The following TMEM114 variants were observed in gnomAD, a reference collection of about 807,000 sequenced individuals.
The protein encoded by TMEM114 is claudin-26.
A neutral mutation model predicts 6.2 loss-of-function variants in TMEM114; 6 were observed. The ratio of observed to expected loss-of-function variants is 0.97; its 90% CI spans 0.53 to 1.91. The LOEUF is 1.91. Ranked by LOEUF, TMEM114 falls within the 40% of genes most tolerant of loss-of-function variation. The probability of loss-of-function intolerance (pLI) is 0.01; values close to 1 mark genes in which losing one functional copy is unlikely to be tolerated. For missense variants in TMEM114, 218 were observed against 158.3 expected, an observed-to-expected ratio of 1.38 and a Z score of -2.02; for synonymous variants, 104 against 73.0, an observed-to-expected ratio of 1.42 and a Z score of -2.16.
intron 2 of TMEM114, among the ~76,000 whole-genome samples, chr16:8,564,345 G>A (rs1263998815): frequency 6.7e-6 from 1 of 149,446 alleles, no homozygotes; most frequent in Non-Finnish European, 1.5e-5. Flanking sequence ...GAGTCAGTGA[G>A]AGAATGAGTC....
chr16:8,540,093 G>A (rs1567193686), intron 2 of TMEM114, among the ~76,000 whole-genome samples: 1 of 152,152 alleles, frequency 6.6e-6, no homozygotes, highest in East Asian at 1.9e-4. Context: ...CAAAGTGCTG[G>A]GATTACAGGC....
intron 2 of TMEM114, among the ~76,000 whole-genome samples, chr16:8,539,880 C>T (rs1193532842): frequency 2.0e-5 from 3 of 152,132 alleles, no homozygotes; most frequent in Non-Finnish European, 2.9e-5. Context: ...TGCAGTGAAA[C>T]AATCTCTCCT....
At chr16:8,531,151 C>T in the TMEM114 span, among the ~76,000 whole-genome samples, 14 of 152,210 alleles carry the variant, frequency 9.2e-5, no homozygotes, top group Non-Finnish European at 1.9e-4. Context: ...TAGACAACAA[C>T]ACTACTCTTT....
At chr16:8,573,799 A>AC (rs1234686138) in intron 2 of TMEM114, among the ~76,000 whole-genome samples, 1 of 152,036 alleles carries the variant, frequency 6.6e-6, no homozygotes, top group Non-Finnish European at 1.5e-5. Flanking sequence ...CCCCCTCAGC[A>AC]CCCCATAGGG....
At chr16:8,546,417 C>A (rs1900666742) in intron 2 of TMEM114, among the ~76,000 whole-genome samples, 1 of 152,164 alleles carries the variant, frequency 6.6e-6, no homozygotes, top group African/African-American at 2.4e-5. Flanking sequence ...CCGACAGTAG[C>A]CAGACTCTAT....
chr16:8,585,277 C>G (rs145984756), intron 2 of TMEM114, among the ~76,000 whole-genome samples: 2,031 of 152,302 alleles, frequency 0.013, 51 homozygotes, highest in African/African-American at 0.047. Context: ...TTCAAGATGA[C>G]ATTTGGGTGG....
At chr16:8,545,260 A>G (rs139416941) in intron 2 of TMEM114, among the ~76,000 whole-genome samples, 117 of 152,286 alleles carry the variant, frequency 7.7e-4, no homozygotes, top group South Asian at 7.1e-3. Context: ...CAACATAGCA[A>G]GAGCCCTTAT....
At chr16:8,531,202 T>A in the TMEM114 span, among the ~76,000 whole-genome samples, 4 of 152,364 alleles carry the variant, frequency 2.6e-5, no homozygotes, top group African/African-American at 9.6e-5. Flanking sequence ...GCTGTTTGAA[T>A]CACAAATTGC....
At chr16:8,536,338 C>G (rs371554804), downstream of TMEM114, among the ~76,000 whole-genome samples, 1 of 151,988 alleles carries the variant, frequency 6.6e-6, no homozygotes, top group Non-Finnish European at 1.5e-5. Context: ...TTTGAAAGCT[C>G]TTCATATAAT....
intron 2 of TMEM114, among the ~76,000 whole-genome samples, chr16:8,581,741 A>G (rs1228277697): frequency 1.3e-5 from 2 of 152,278 alleles, no homozygotes; most frequent in Non-Finnish European, 2.9e-5. Flanking sequence ...GGTGTGCGCC[A>G]CTGCGCCCAG....
chr16:8,575,610 C>A (rs1010356877), intron 2 of TMEM114, among the ~76,000 whole-genome samples: 1 of 152,210 alleles, frequency 6.6e-6, no homozygotes, highest in East Asian at 1.9e-4. Flanking sequence ...CCTATCACTT[C>A]CAGCTGAGGG....
At chr16:8,583,956 G>A (rs141745371) in intron 2 of TMEM114, among the ~76,000 whole-genome samples, 11 of 152,222 alleles carry the variant, frequency 7.2e-5, no homozygotes, top group South Asian at 2.1e-4. Context: ...GACTCAGCCC[G>A]GCCAATCAGC....
intron 2 of TMEM114, among the ~76,000 whole-genome samples, chr16:8,561,445 C>T (rs547198204): frequency 8.5e-5 from 13 of 152,322 alleles, no homozygotes; most frequent in African/African-American, 2.2e-4. Context: ...CTGTCATACC[C>T]GTGCACTCAT....
At chr16:8,551,434 A>C (rs548458883) in intron 2 of TMEM114, among the ~76,000 whole-genome samples, 1 of 152,352 alleles carries the variant, frequency 6.6e-6, no homozygotes, top group South Asian at 2.1e-4. Flanking sequence ...GTTAAAAATA[A>C]TATTTAACAT....
chr16:8,555,694 C>T (rs532053117), intron 2 of TMEM114, among the ~76,000 whole-genome samples: 44 of 152,286 alleles, frequency 2.9e-4, no homozygotes, highest in African/African-American at 1.1e-3. Context: ...TAATTCTCAA[C>T]CAGGACAATC....
At chr16:8,568,016 AAAG>A (rs1227664627), downstream of TMEM114, among the ~76,000 whole-genome samples, 1 of 152,196 alleles carries the variant, frequency 6.6e-6, no homozygotes, top group African/African-American at 2.4e-5. Flanking sequence ...GACAGCCAGT[AAAG>A]AAGTGCAGGC....
chr16:8,530,285 T>A, the TMEM114 span, among the ~76,000 whole-genome samples: 6 of 152,144 alleles, frequency 3.9e-5, no homozygotes, highest in Admixed American at 1.3e-4. Context: ...TCAAGTCAAT[T>A]GAGGGGGTGA....
intron 2 of TMEM114, among the ~76,000 whole-genome samples, chr16:8,551,869 C>G (rs778154158): frequency 1.3e-5 from 2 of 152,156 alleles, no homozygotes; most frequent in Non-Finnish European, 2.9e-5. Context: ...ATTGGATACA[C>G]AAACTATACT....
intron 2 of TMEM114, among the ~76,000 whole-genome samples, chr16:8,557,381 A>G (rs929645286): frequency 6.6e-6 from 1 of 152,108 alleles, no homozygotes; most frequent in African/African-American, 2.4e-5. Context: ...GGAGAGCCAT[A>G]TGGAAAGGCC....
Sources: gnomAD v4.1 joint callset for allele counts (sites outside exome capture counted in the v4.1 genomes callset) on GRCh38, gnomAD v4.1.1 for gene constraint, MANE v1.5 for transcripts, NCBI Gene and HGNC (gene_info 2026-07-23, HGNC 2026-07-21) for gene names.